The following OR7C1 variants were observed in gnomAD, a reference collection of about 807,000 sequenced individuals.
OR7C1 encodes the protein olfactory receptor 7C1.
For synonymous variants in OR7C1, 152 were observed against 160.7 expected (o/e 0.95, Z 0.41); for missense variants, 324 against 383.3 (o/e 0.85, Z 1.29).
chr19:14,807,107 G>A (rs997448915), intron 2 of OR7C1, among the ~76,000 whole-genome samples: 6 of 151,822 alleles, frequency 4.0e-5, no homozygotes, highest in African/African-American at 1.5e-4. Context: ...TCTCATTGTG[G>A]TTTTGATTTG....
At chr19:14,818,061 A>ATTTTATTTT (rs1471105471) in intron 1 of OR7C1, among the ~76,000 whole-genome samples, 17 of 82,582 alleles carry the variant, frequency 2.1e-4, no homozygotes, top group Non-Finnish European at 2.9e-4. Flanking sequence ...CATTTTATTT[A>ATTTTATTTT]TTTTATTTAT....
chr19:14,828,431 G>C (rs1403633086), intron 1 of OR7C1: 21 of 666,648 alleles, frequency 3.2e-5, no homozygotes, highest in Non-Finnish European at 4.8e-5. Flanking sequence ...CCCACTCTCA[G>C]CCTTAACTGA....
chr19:14,799,217 C>T (rs1214615214), exon 5 of OR7C1: 1 of 1,613,656 alleles, frequency 6.2e-7, no homozygotes, highest in Non-Finnish European at 8.5e-7. Flanking sequence ...AAATGTTGCC[C>T]TACTGAGGAG....
At chr19:14,812,463 C>T (rs887632895) in intron 1 of OR7C1, among the ~76,000 whole-genome samples, 2 of 152,142 alleles carry the variant, frequency 1.3e-5, no homozygotes, top group Non-Finnish European at 2.9e-5. Context: ...TTTTGAAACT[C>T]CCTGCTCTGT....
chr19:14,820,610 T>A (rs527683335), intron 1 of OR7C1, among the ~76,000 whole-genome samples: 27 of 152,282 alleles, frequency 1.8e-4, no homozygotes, highest in African/African-American at 6.3e-4. Context: ...GACGTACAAC[T>A]TTTTGTGAAA....
intron 1 of OR7C1, chr19:14,825,093 T>G (rs1285752964): frequency 6.6e-6 from 1 of 152,144 alleles, no homozygotes; most frequent in African/African-American, 2.4e-5. Context: ...GAGCCAGGCA[T>G]GGTGGTGTGA....
At chr19:14,807,895 C>G (rs1167304654) in intron 2 of OR7C1, among the ~76,000 whole-genome samples, 1 of 136,198 alleles carries the variant, frequency 7.3e-6, no homozygotes, top group African/African-American at 2.7e-5. Context: ...GACTCAGTCT[C>G]AAAAAAAAAA....
intron 1 of OR7C1, among the ~76,000 whole-genome samples, chr19:14,820,931 G>A (rs912668667): frequency 1.3e-5 from 2 of 152,130 alleles, no homozygotes; most frequent in African/African-American, 2.4e-5. Flanking sequence ...TGAGAGAAAG[G>A]CCTGCCTCAT....
intron 1 of OR7C1, chr19:14,821,580 T>C (rs2044741477): frequency 2.0e-5 from 3 of 152,242 alleles, no homozygotes; most frequent in African/African-American, 7.2e-5. Flanking sequence ...AAATACCTTT[T>C]ACATCATGAG....
chr19:14,818,173 AGCTCCG>A (rs2044725193), intron 1 of OR7C1, among the ~76,000 whole-genome samples: 1 of 151,540 alleles, frequency 6.6e-6, no homozygotes, highest in Admixed American at 6.6e-5. Flanking sequence ...GCTCACTGCA[AGCTCCG>A]CCTCCCAGGT....
At chr19:14,807,353 G>T (rs1250211892) in intron 2 of OR7C1, among the ~76,000 whole-genome samples, 1 of 151,876 alleles carries the variant, frequency 6.6e-6, no homozygotes, top group African/African-American at 2.4e-5. Context: ...TTTGGAAGTG[G>T]TCATGTGTCC....
At chr19:14,831,141 C>T (rs186052968) in intron 1 of OR7C1, among the ~76,000 whole-genome samples, 51 of 152,232 alleles carry the variant, frequency 3.4e-4, no homozygotes, top group Admixed American at 1.8e-3. Flanking sequence ...TACATGATGC[C>T]GGCCCCAGAT....
intron 1 of OR7C1, among the ~76,000 whole-genome samples, chr19:14,818,846 T>C (rs1260187832): frequency 6.6e-6 from 1 of 152,242 alleles, no homozygotes; most frequent in African/African-American, 2.4e-5. Flanking sequence ...AAAAGCTTTC[T>C]ACATATTTCA....
chr19:14,803,337 G>A (rs117381632), intron 2 of OR7C1, among the ~76,000 whole-genome samples: 2,531 of 150,146 alleles, frequency 0.017, 23 homozygotes, highest in South Asian at 0.046. Context: ...GAAAAGATTG[G>A]TTGGACCAGG....
exon 5 of OR7C1, chr19:14,798,696 A>G (rs1386248562): frequency 6.5e-6 from 1 of 154,908 alleles, no homozygotes; most frequent in Non-Finnish European, 1.4e-5. Flanking sequence ...CAGGTGTGCC[A>G]TTTGCATAGC....
rs10417499 is a variant in OR7C1 at position 14,831,476 on chromosome 19, G to A, written c.-623+3598C>T. ...TATTATTTTTTTGAGACAGAGTCTC[G>A]CTCTGTCGCCCAGGTTGGAGTGCAA... On this transcript the variant is annotated intron_variant, in intron 1 of 4. Transcript: ENST00000641666. Among the ~76,000 whole-genome samples, 679 of 151,600 alleles carry A rather than the reference G, an allele frequency of 4.5e-3. 8 individuals carry two copies. Among genetic ancestry groups the A allele is most frequent in the African/African-American group, 0.016 (648 of 41,298 alleles).
At chr19:14,798,966 A>AGAAGGG (rs2044624602) in exon 5 of OR7C1, 1 of 507,576 alleles carries the variant, frequency 2.0e-6, no homozygotes, top group African/African-American at 2.0e-5. Flanking sequence ...GTTAGAAAAG[A>AGAAGGG]AATGATTTTG....
At chr19:14,812,487 G>A (rs546904396) in intron 1 of OR7C1, among the ~76,000 whole-genome samples, 2 of 152,170 alleles carry the variant, frequency 1.3e-5, no homozygotes, top group East Asian at 3.9e-4. Flanking sequence ...GTTCCACTCT[G>A]GCCACCAGTG....
At chr19:14,829,627 A>G (rs2044811700) in intron 1 of OR7C1, among the ~76,000 whole-genome samples, 2 of 152,218 alleles carry the variant, frequency 1.3e-5, no homozygotes, top group Non-Finnish European at 2.9e-5. Context: ...CCTGGCTGTC[A>G]AAACATCAAG....
Sources: gnomAD v4.1 joint callset for allele counts (sites outside exome capture counted in the v4.1 genomes callset) on GRCh38, gnomAD v4.1.1 for gene constraint, MANE v1.5 for transcripts, NCBI Gene and HGNC (gene_info 2026-07-23, HGNC 2026-07-21) for gene names.